The following EPB41L3 variants were observed in gnomAD, a reference collection of about 807,000 sequenced individuals.
EPB41L3 encodes band 4.1-like protein 3.
In EPB41L3, 57 loss-of-function variants were observed where a neutral mutation model predicts 127.1. The ratio of observed to expected loss-of-function variants is 0.45; its 90% CI spans 0.36 to 0.56. EPB41L3 has a LOEUF of 0.56. Among genes scored for constraint, EPB41L3 ranks in the 20% least tolerant of loss-of-function variants. The pLI is 0.00. For synonymous variants in EPB41L3, 572 were observed against 549.5 expected (o/e 1.04, Z -0.57); for missense variants, 1,273 against 1,372.2 (o/e 0.93, Z 1.14).
rs188359757 is a variant in EPB41L3, at chr18:5,455,082, T to C, written c.382-9838A>G. ...ATACTGGTACTTATGCAAAGGATTGTTGTATTAAGATAAAACACTGGAAAG... is the reference window on the plus strand; with the variant it reads ...ATACTGGTACTTATGCAAAGGATTGCTGTATTAAGATAAAACACTGGAAAG... On this transcript the variant is annotated intron_variant, in intron 3 of 22. Coordinates refer to ENST00000341928, the MANE Select transcript of EPB41L3 (RefSeq NM_012307.5). 7.7e-4 allele frequency among the ~76,000 whole-genome samples: 117 copies of C among 152,308 alleles called. 2 individuals are homozygous for C. The highest frequency in any genetic ancestry group is 6.4e-3 in the Admixed American group (98 of 15,292).
intron 9 of EPB41L3, among the ~76,000 whole-genome samples, chr18:5,427,957 G>A (rs1011566405): frequency 6.6e-6 from 1 of 152,096 alleles, no homozygotes; most frequent in Admixed American, 6.5e-5. Context: ...GTGTTAGCCA[G>A]GATGGTCTCG....
At chr18:5,428,540 C>T (rs1284661653) in intron 8 of EPB41L3, 75 bp from the exon 9 acceptor site, 3 of 1,544,860 alleles carry the variant, frequency 1.9e-6, no homozygotes, top group African/African-American at 2.7e-5. Flanking sequence ...AGTATTTAAG[C>T]ATCCACGACA....
chr18:5,624,046 G>A (rs751560141), intron 1 of EPB41L3, among the ~76,000 whole-genome samples: 11 of 152,196 alleles, frequency 7.2e-5, no homozygotes, highest in Non-Finnish European at 1.3e-4. Flanking sequence ...TGTCACCCAG[G>A]CTGGAGTGCA....
At chr18:5,424,004 A>G (rs1394394928) in intron 10 of EPB41L3, among the ~76,000 whole-genome samples, 1 of 152,156 alleles carries the variant, frequency 6.6e-6, no homozygotes, top group Non-Finnish European at 1.5e-5. Flanking sequence ...TTTGAAGTGG[A>G]CACCCTAAAA....
chr18:5,555,478 G>A (rs1285652988), intron 3 of EPB41L3, among the ~76,000 whole-genome samples: 3 of 152,140 alleles, frequency 2.0e-5, no homozygotes, highest in Admixed American at 6.6e-5. Flanking sequence ...AGCCCTAAAA[G>A]GAGCTGAAAA....
At chr18:5,612,539 G>A (rs2094739638) in intron 2 of EPB41L3, 1 of 152,230 alleles carries the variant, frequency 6.6e-6, no homozygotes, top group Non-Finnish European at 1.5e-5. Flanking sequence ...CCTTAGTCCT[G>A]ATAATGAATG....
chr18:5,583,650 T>C (rs1475504475), intron 3 of EPB41L3, among the ~76,000 whole-genome samples: 2 of 152,256 alleles, frequency 1.3e-5, no homozygotes, highest in East Asian at 1.9e-4. Flanking sequence ...AAATGATTCA[T>C]ATATTTAATG....
In EPB41L3 at chr18:5,397,875, A is replaced by G. The variant is rs141076144; in HGVS notation, c.2472+146T>C. 5.4e-5 allele frequency: 48 copies of G among 882,448 alleles called. No individual in the cohort carries two copies. In the East Asian group the frequency reaches 9.3e-4, roughly 17 times the overall value. 54.7% of individuals were successfully genotyped at this position (882,448 alleles called of 1,614,324 possible). A position where few individuals can be genotyped will look rare whatever the true frequency, so the allele number is the denominator to read the frequency against. Reference sequence around the variant, plus strand: ...AAGGCATGTGACAGATATGCCAAGCAGACACAAAGGACAATAAGTGAAGAC... The same window carrying G: ...AAGGCATGTGACAGATATGCCAAGCGGACACAAAGGACAATAAGTGAAGAC... On this transcript the variant is annotated intron_variant, in intron 17 of 22. Transcript: ENST00000341928. This position sits in a 1 kb window ranked among gnomAD's most constrained non-coding sequence, Gnocchi z 4.1.
rs117801642 is a variant in EPB41L3 at position 5,416,850 on chromosome 18, T to C, written c.1507-472A>G. 2.0e-4 allele frequency among the ~76,000 whole-genome samples: 31 copies of C among 151,680 alleles called. No homozygotes were observed. The East Asian group carries it at 2.9e-3, about 14-fold the overall frequency. ...AGATGAAATCCAATCCAGATTTTGA[T>C]TAAAAAAAAAAAACCAATCTCTAGC... On this transcript the variant is annotated intron_variant, in intron 12 of 22. Coordinates refer to ENST00000341928, the MANE Select transcript of EPB41L3 (RefSeq NM_012307.5).
Position 5,511,391 on chromosome 18 carries a change from G to GTTTTTTTTTTTTTT in EPB41L3, c.-11-22211_-11-22198dup, listed in dbSNP as rs1190047630. Among the ~76,000 whole-genome samples the GTTTTTTTTTTTTTT allele has an allele frequency of 1.7e-4, 10 of 59,800 alleles. 2 individuals are homozygous for GTTTTTTTTTTTTTT. The highest frequency in any genetic ancestry group is 4.1e-4 in the African/African-American group (6 of 14,698). 39.2% of individuals were successfully genotyped at this position (59,800 alleles called of 152,430 possible). On this transcript the variant is annotated intron_variant, in intron 1 of 22. Coordinates refer to ENST00000341928, the MANE Select transcript of EPB41L3 (RefSeq NM_012307.5). Reference sequence around the variant, plus strand: ...CTTTAATAGCTGTGGAGGTATTTTGGTTTTTTTTTTTTTTTTTTTTTTTTT... The same window carrying GTTTTTTTTTTTTTT: ...CTTTAATAGCTGTGGAGGTATTTTGGTTTTTTTTTTTTTTTTTTTTTTTTTTTTTTTTTTTTTTT...
intron 3 of EPB41L3, among the ~76,000 whole-genome samples, chr18:5,596,215 G>C (rs544711499): frequency 6.6e-6 from 1 of 152,122 alleles, no homozygotes; most frequent in Non-Finnish European, 1.5e-5. Context: ...TGTTCCTAGC[G>C]ATCACATCAG....
intron 8 of EPB41L3, among the ~76,000 whole-genome samples, chr18:5,429,720 G>A (rs1020842287): frequency 4.6e-5 from 7 of 152,166 alleles, no homozygotes; most frequent in Admixed American, 4.6e-4. Context: ...TTACTCTGCA[G>A]GAGTGGAAAT....
Position 5,423,364 on chromosome 18 carries a change from T to C in EPB41L3, c.1339+14A>G, listed in dbSNP as rs759760549. ...TAGGTACTAGGTTATTAAGGGCCAG[T>C]AAGCGATGCCTACCTCCATCCAAGC... On this transcript the variant is annotated intron_variant, in intron 11 of 22. Coordinates refer to ENST00000341928, the MANE Select transcript of EPB41L3 (RefSeq NM_012307.5). 12 of 1,590,632 alleles carry C rather than the reference T, an allele frequency of 7.5e-6. No individual in the cohort carries two copies. The African/African-American group carries it at 1.3e-4, about 18-fold the overall frequency.
At chr18:5,560,555 T>A (rs989755932) in intron 3 of EPB41L3, among the ~76,000 whole-genome samples, 2 of 152,326 alleles carry the variant, frequency 1.3e-5, no homozygotes, top group South Asian at 4.1e-4. Flanking sequence ...TTCTTCTAGA[T>A]AGGGGAATTG....
chr18:5,401,048 T>A, intron 16 of EPB41L3: 1 of 1,530,720 alleles, frequency 6.5e-7, no homozygotes, highest in East Asian at 2.5e-5. Context: ...TTTGGTCTGT[T>A]TGAATAAAGG....
intron 1 of EPB41L3, among the ~76,000 whole-genome samples, chr18:5,500,499 A>C (rs1244366765): frequency 1.3e-5 from 2 of 152,156 alleles, no homozygotes; most frequent in Non-Finnish European, 2.9e-5. Flanking sequence ...AATAGGGAAA[A>C]GGTTATGGCA....
chr18:5,463,869 A>G (rs923692289), intron 3 of EPB41L3: 1 of 152,238 alleles, frequency 6.6e-6, no homozygotes, highest in East Asian at 1.9e-4. Flanking sequence ...GTAGGCTACT[A>G]TGTGTATCGG....
intron 16 of EPB41L3, among the ~76,000 whole-genome samples, chr18:5,404,448 C>T (rs1439595667): frequency 2.0e-5 from 3 of 152,100 alleles, no homozygotes; most frequent in Non-Finnish European, 4.4e-5. Context: ...TGTTTTTCTT[C>T]CTTAATTATG....
At chr18:5,407,546 G>T (rs1357204070) in intron 15 of EPB41L3, among the ~76,000 whole-genome samples, 155 bp downstream of exon 15, 1 of 152,224 alleles carries the variant, frequency 6.6e-6, no homozygotes, top group Non-Finnish European at 1.5e-5. Flanking sequence ...GGACACAGTT[G>T]TCAAGGGAAC....
Sources: gnomAD v4.1 joint callset for allele counts (sites outside exome capture counted in the v4.1 genomes callset) on GRCh38, gnomAD v4.1.1 for gene constraint, Gnocchi (gnomAD v3.1) non-coding constraint, MANE v1.5 for transcripts, NCBI Gene and HGNC (gene_info 2026-07-23, HGNC 2026-07-21) for gene names.